GRIN2A: variants seen among roughly 807,000 people sequenced by gnomAD.
The protein encoded by GRIN2A is glutamate ionotropic receptor NMDA type subunit 2A.
Under a neutral mutation model 113.4 loss-of-function variants are expected in GRIN2A, and 22 were observed. That is an observed-to-expected ratio of 0.19 (90% CI 0.14 to 0.28). GRIN2A has a LOEUF of 0.28. Ranked by LOEUF, GRIN2A falls within the 10% of genes least tolerant of loss-of-function variation. The pLI is 1.00. For missense variants in GRIN2A, 1,502 were observed against 1,887.0 expected (o/e 0.80, Z 3.78); for synonymous variants, 827 against 738.4 (o/e 1.12, Z -1.94).
chr16:9,763,135 T>A lies in GRIN2A; in HGVS notation c.*14A>T. On this transcript the variant is annotated 3_prime_UTR_variant, in exon 13 of 13. Coordinates refer to ENST00000330684, the MANE Select transcript of GRIN2A (RefSeq NM_001134407.3). ...CGTATATTTCCCTATAGATAAAACA[T>A]TAATGGAAGATTTTTAAACATCAGA... 1 of 1,612,104 alleles carries A rather than the reference T, an allele frequency of 6.2e-7. No homozygotes were observed.
At chr16:10,076,121 A>T (rs1305245983) in intron 2 of GRIN2A, among the ~76,000 whole-genome samples, 1 of 152,166 alleles carries the variant, frequency 6.6e-6, no homozygotes, top group African/African-American at 2.4e-5. Flanking sequence ...TAACCAGACC[A>T]TTCTCCCAGC....
intron 2 of GRIN2A, among the ~76,000 whole-genome samples, chr16:10,116,564 T>C (rs2048731877): frequency 6.6e-6 from 1 of 152,152 alleles, no homozygotes; most frequent in Admixed American, 6.5e-5. Context: ...TTAGAGCAGA[T>C]GCTAAAGCAA....
intron 2 of GRIN2A, among the ~76,000 whole-genome samples, chr16:10,160,678 G>A (rs1033117159): frequency 7.9e-5 from 12 of 152,126 alleles, no homozygotes; most frequent in Admixed American, 2.0e-4. Flanking sequence ...CGGTTGCACC[G>A]CCCCAAATTG....
intron 2 of GRIN2A, among the ~76,000 whole-genome samples, chr16:9,981,717 A>T (rs1596385212): frequency 1.3e-5 from 2 of 152,276 alleles, no homozygotes; most frequent in African/African-American, 4.8e-5. Flanking sequence ...TGATTGTTCT[A>T]TATACTTTTA....
At chr16:10,130,831 G>C (rs1162478979) in intron 2 of GRIN2A, among the ~76,000 whole-genome samples, 1 of 152,182 alleles carries the variant, frequency 6.6e-6, no homozygotes, top group Non-Finnish European at 1.5e-5. Context: ...TAAACAGCTG[G>C]GGGAGTAAAA....
At position 9,967,896 on chromosome 16, in the gene GRIN2A, T is replaced by TA. The variant is rs2045587417; in HGVS notation, c.415-29346dup. Reference sequence around the variant, plus strand: ...CCCCAAAAACTATTGAAATAGAAATTAAAAAAATTTTAAAACAGTATGAAT... The same window carrying TA: ...CCCCAAAAACTATTGAAATAGAAATTAAAAAAAATTTTAAAACAGTATGAAT... On this transcript the variant is annotated intron_variant, in intron 2 of 12. Coordinates refer to ENST00000330684, the MANE Select transcript of GRIN2A (RefSeq NM_001134407.3). Among the ~76,000 whole-genome samples, 12 of 152,082 alleles carry TA rather than the reference T, an allele frequency of 7.9e-5. No homozygotes were observed. The South Asian group carries it at 2.5e-3, about 32-fold the overall frequency.
intron 2 of GRIN2A, among the ~76,000 whole-genome samples, chr16:10,106,186 AGTTTTTTTTTTTTGTTTGGGGAAGT>A (rs965506968): frequency 8.6e-6 from 1 of 116,342 alleles, no homozygotes; most frequent in African/African-American, 3.0e-5. Flanking sequence ...TAAGTGAAAG[AGTTTTTTTTTTTTGTTTGGGGAAGT>A]GTTTTTTTTT....
intron 2 of GRIN2A, among the ~76,000 whole-genome samples, chr16:10,035,980 T>C (rs1220798731): frequency 6.6e-6 from 1 of 152,210 alleles, no homozygotes; most frequent in African/African-American, 2.4e-5. Context: ...TGCCTGGGCC[T>C]CCCAAAGTGG....
At chr16:10,160,869 C>G (rs2049795925) in intron 2 of GRIN2A, among the ~76,000 whole-genome samples, 1 of 152,176 alleles carries the variant, frequency 6.6e-6, no homozygotes, top group African/African-American at 2.4e-5. Context: ...GGAAACTTTG[C>G]TTGGGAAGAA....
chr16:9,884,112 T>A (rs191625420), intron 4 of GRIN2A, among the ~76,000 whole-genome samples: 282 of 152,364 alleles, frequency 1.9e-3, no homozygotes, highest in African/African-American at 6.6e-3. Context: ...CAGTTTAGCT[T>A]TTCCACAGTG....
rs869182389 is a variant in GRIN2A, at chr16:9,914,905, CTTTTTTTTTTTTTTTTTTTTTTTTTTTTT to C, written c.1007+23025_1007+23053del. On this transcript the variant is annotated intron_variant, in intron 3 of 12. Transcript: ENST00000330684. ...TATTTACAGCCTATTGATTATGCAG[CTTTTTTTTTTTTTTTTTTTTTTTTTTTTT>C]TTTTTTTTTTTTTTTTTAATGAGAC... Among the ~76,000 whole-genome samples, 49 of 33,476 alleles carry C rather than the reference CTTTTTTTTTTTTTTTTTTTTTTTTTTTTT, an allele frequency of 1.5e-3. 1 individual carries two copies. The Middle Eastern group carries it at 0.065, about 45-fold the overall frequency. 22.0% of individuals were successfully genotyped at this position (33,476 alleles called of 152,430 possible).
At chr16:10,087,131 CACTT>C (rs2048100423) in intron 2 of GRIN2A, among the ~76,000 whole-genome samples, 1 of 152,176 alleles carries the variant, frequency 6.6e-6, no homozygotes, top group Non-Finnish European at 1.5e-5. Context: ...TTGAACCTCT[CACTT>C]AATAAATACA....
At chr16:10,105,055 G>A (rs564901358) in intron 2 of GRIN2A, among the ~76,000 whole-genome samples, 1 of 152,294 alleles carries the variant, frequency 6.6e-6, no homozygotes, top group Admixed American at 6.5e-5. Flanking sequence ...CGAGATTAAA[G>A]CAGTGCCACT....
At chr16:10,135,356 T>C (rs940108854) in intron 2 of GRIN2A, among the ~76,000 whole-genome samples, 2 of 152,216 alleles carry the variant, frequency 1.3e-5, no homozygotes, top group Non-Finnish European at 2.9e-5. Flanking sequence ...GTCTCTAAAA[T>C]GATGTATGCC....
intron 11 of GRIN2A, among the ~76,000 whole-genome samples, chr16:9,778,363 G>T (rs1338683278): frequency 6.6e-6 from 1 of 152,166 alleles, no homozygotes; most frequent in African/African-American, 2.4e-5. Flanking sequence ...AGCTGACATG[G>T]CTTAAAAGGC....
At chr16:9,774,740 G>C (rs938913577) in intron 11 of GRIN2A, among the ~76,000 whole-genome samples, 1 of 152,232 alleles carries the variant, frequency 6.6e-6, no homozygotes, top group African/African-American at 2.4e-5. Context: ...TCTCATAGGA[G>C]TTTTGTTAGA....
intron 3 of GRIN2A, among the ~76,000 whole-genome samples, chr16:9,933,006 G>A (rs1019441637): frequency 6.6e-6 from 1 of 152,148 alleles, no homozygotes; most frequent in African/African-American, 2.4e-5. Flanking sequence ...CAGCCAAACA[G>A]GTCATGGTTT....
chr16:9,964,437 A>G (rs1247589699), intron 2 of GRIN2A, among the ~76,000 whole-genome samples: 1 of 152,176 alleles, frequency 6.6e-6, no homozygotes, highest in Non-Finnish European at 1.5e-5. Context: ...TATTGCTGCT[A>G]TGACAAATTA....
intron 2 of GRIN2A, chr16:10,112,233 A>T: frequency 1.6e-6 from 1 of 613,530 alleles, no homozygotes; most frequent in Non-Finnish European, 3.0e-6. Flanking sequence ...TCAAATCACC[A>T]TGGTGCATTA....
Sources: gnomAD v4.1 joint callset for allele counts (sites outside exome capture counted in the v4.1 genomes callset) on GRCh38, gnomAD v4.1.1 for gene constraint, MANE v1.5 for transcripts, NCBI Gene and HGNC (gene_info 2026-07-23, HGNC 2026-07-21) for gene names.